Variants in MTFR1 observed in about 807,000 individuals in gnomAD.
MTFR1 encodes mitochondrial fission regulator 1, also known as chondrocyte protein with a poly-proline region.
A neutral mutation model predicts 38.8 loss-of-function variants in MTFR1; 28 were observed. The ratio of observed to expected loss-of-function variants is 0.72; its 90% CI spans 0.53 to 0.99. MTFR1 has a LOEUF of 0.99. MTFR1 is among the 50% of genes least tolerant of loss of function. The pLI is 0.00. For missense variants in MTFR1, 358 were observed against 395.5 expected (o/e 0.91, Z 0.81); for synonymous variants, 145 against 137.0 (o/e 1.06, Z -0.41).
chr8:65,659,882 A>T (rs1809364363), intron 1 of MTFR1, among the ~76,000 whole-genome samples: 1 of 151,888 alleles, frequency 6.6e-6, no homozygotes, highest in Admixed American at 6.6e-5. Flanking sequence ...ATATGATTTA[A>T]CTCATTTCAT....
At chr8:65,775,677 G>C (rs1009220860), downstream of MTFR1, among the ~76,000 whole-genome samples, 1 of 152,236 alleles carries the variant, frequency 6.6e-6, no homozygotes, top group Admixed American at 6.5e-5. Flanking sequence ...GCCAAGGCTT[G>C]AGTGAAGTGG....
intron 3 of MTFR1, among the ~76,000 whole-genome samples, chr8:65,767,333 C>G (rs1361670091): frequency 1.3e-5 from 2 of 152,214 alleles, no homozygotes; most frequent in African/African-American, 4.8e-5. Context: ...ACTGTGCTTT[C>G]TGTTGTATAA....
In MTFR1 at chr8:65,709,103, T is replaced by C; in HGVS notation, c.*59T>C. 1 of 1,497,902 alleles carries C rather than the reference T, an allele frequency of 6.7e-7. No individual in the cohort carries two copies. Among genetic ancestry groups the C allele is most frequent in the Non-Finnish European group, 9.3e-7 (1 of 1,074,650 alleles). 92.8% of individuals were successfully genotyped at this position (1,497,902 alleles called of 1,614,324 possible). A position where few individuals can be genotyped will look rare whatever the true frequency, so the allele number is the denominator to read the frequency against. ...CCTGTTGATTTGTGAGGGCCAAGTT[T>C]GCTAGTAGAAATCGACACTGTTTAG... On this transcript the variant is annotated 3_prime_UTR_variant, in exon 8 of 8. Transcript: ENST00000262146.
At chr8:65,716,508 A>G (rs1214391612) in intron 2 of MTFR1, among the ~76,000 whole-genome samples, 1 of 152,106 alleles carries the variant, frequency 6.6e-6, no homozygotes, top group Non-Finnish European at 1.5e-5. Flanking sequence ...GTCCACAAAC[A>G]TGAATATCAC....
chr8:65,719,027 C>T (rs1203920124), intron 2 of MTFR1: 2 of 500,476 alleles, frequency 4.0e-6, no homozygotes, highest in East Asian at 3.4e-5. Flanking sequence ...TCCTTTGTTA[C>T]TCCTTTCGGA....
intron 3 of MTFR1, among the ~76,000 whole-genome samples, chr8:65,756,583 G>C (rs935988482): frequency 6.6e-6 from 1 of 151,846 alleles, no homozygotes; most frequent in Non-Finnish European, 1.5e-5. Flanking sequence ...ATTTCTGTTT[G>C]GTTCCTTTTT....
chr8:65,684,991 T>G (rs1194556988), intron 3 of MTFR1, among the ~76,000 whole-genome samples: 1 of 151,900 alleles, frequency 6.6e-6, no homozygotes, highest in Admixed American at 6.6e-5. Flanking sequence ...GCAATAAGAG[T>G]GAAACTCTGT....
intron 3 of MTFR1, among the ~76,000 whole-genome samples, chr8:65,751,936 C>G (rs970772804): frequency 6.6e-6 from 1 of 152,114 alleles, no homozygotes; most frequent in Non-Finnish European, 1.5e-5. Context: ...GCATAGACAC[C>G]TTCCCTGTTC....
At position 65,762,714 on chromosome 8, in the gene MTFR1, CA is replaced by C. The variant is rs201371083; in HGVS notation, c.*49-8232del. On this transcript the variant is annotated intron_variant, in intron 3 of 3. Coordinates refer to the MTFR1 transcript ENST00000521247. ...TCAAATATTTTTAAATATGTCATAC[CA>C]TTTTTTTTAACAAAACCAGATTTAT... Among the ~76,000 whole-genome samples, 544 of 152,036 alleles carry C rather than the reference CA, an allele frequency of 3.6e-3. 9 individuals carry two copies. Among genetic ancestry groups the C allele is most frequent in the Admixed American group, 0.029 (440 of 15,268 alleles).
At chr8:65,657,200 A>G (rs1809292619) in intron 1 of MTFR1, among the ~76,000 whole-genome samples, 1 of 151,896 alleles carries the variant, frequency 6.6e-6, no homozygotes, top group Non-Finnish European at 1.5e-5. Context: ...TTCCGTAGAG[A>G]TGGAGTTTCA....
chr8:65,729,616 T>C (rs994712266), intron 3 of MTFR1, among the ~76,000 whole-genome samples: 9 of 152,064 alleles, frequency 5.9e-5, no homozygotes, highest in African/African-American at 2.2e-4. Flanking sequence ...CAGCCTGGAG[T>C]GCAGTGGTGC....
chr8:65,704,949 G>C lies in MTFR1; in HGVS notation c.517+20G>C. 1 of 1,547,614 alleles carries C rather than the reference G, an allele frequency of 6.5e-7. No homozygotes were observed. Among genetic ancestry groups the C allele is most frequent in the East Asian group, 2.4e-5 (1 of 41,772 alleles). ...CTGCAGGTCTGTAAGTCCTACATTT[G>C]TTAGTTTTAACTTGCAAACTAGAAG... On this transcript the variant is annotated intron_variant, in intron 5 of 7. Transcript: ENST00000262146.
At chr8:65,663,111 T>C (rs1208897092) in intron 1 of MTFR1, among the ~76,000 whole-genome samples, 2 of 152,062 alleles carry the variant, frequency 1.3e-5, no homozygotes, top group Admixed American at 1.3e-4. Flanking sequence ...GGGGAAAAGA[T>C]TGAGATATCG....
At chr8:65,662,857 T>TG (rs923295621) in intron 1 of MTFR1, among the ~76,000 whole-genome samples, 31 of 145,816 alleles carry the variant, frequency 2.1e-4, no homozygotes, top group Middle Eastern at 7.1e-3. Context: ...GGAAGGGAGG[T>TG]GGGGGGGTTA....
chr8:65,747,826 T>C, intron 3 of MTFR1: 1 of 1,561,520 alleles, frequency 6.4e-7, no homozygotes, highest in Non-Finnish European at 8.8e-7. Context: ...GAATAAAAGG[T>C]AAGTATAGCA....
chr8:65,670,661 A>G (rs1203488932), intron 2 of MTFR1, among the ~76,000 whole-genome samples: 1 of 151,000 alleles, frequency 6.6e-6, no homozygotes. Context: ...ATTAAATTTT[A>G]TTTATTGAAG....
Position 65,658,103 on chromosome 8 carries a change from AT to A in MTFR1, c.-80-11766del, listed in dbSNP as rs1426199978. On this transcript the variant is annotated intron_variant, in intron 1 of 7. Transcript: ENST00000262146. ...CTAAGAATATTCTATTAATCTTCTT[AT>A]TTTCCCCAACTCTAAAATGAGTCAT... Among the ~76,000 whole-genome samples the A allele has an allele frequency of 2.2e-4, 34 of 152,158 alleles. No individual in the cohort carries two copies. In the East Asian group the frequency reaches 4.6e-3, roughly 21 times the overall value.
chr8:65,776,835 T>C, the MTFR1 span, among the ~76,000 whole-genome samples: 1 of 152,200 alleles, frequency 6.6e-6, no homozygotes, highest in African/African-American at 2.4e-5. Context: ...CTAGTCCTTA[T>C]ACTTTTCATT....
chr8:65,656,908 A>G (rs1809285064), intron 1 of MTFR1, among the ~76,000 whole-genome samples: 1 of 152,020 alleles, frequency 6.6e-6, no homozygotes, highest in South Asian at 2.1e-4. Flanking sequence ...AGCTTCCCAC[A>G]GTGCTGAGAT....
Sources: gnomAD v4.1 joint callset for allele counts (sites outside exome capture counted in the v4.1 genomes callset) on GRCh38, gnomAD v4.1.1 for gene constraint, MANE v1.5 for transcripts, NCBI Gene and HGNC (gene_info 2026-07-23, HGNC 2026-07-21) for gene names.